RUFY3: variants seen among roughly 807,000 people sequenced by gnomAD.
The protein encoded by RUFY3 is protein RUFY3.
In RUFY3, 34 loss-of-function variants were observed where a neutral mutation model predicts 84.0. The ratio of observed to expected loss-of-function variants is 0.40; its 90% CI spans 0.31 to 0.54. RUFY3 has a LOEUF of 0.54. RUFY3 is among the 20% of genes least tolerant of loss of function. The probability of loss-of-function intolerance (pLI) is 0.39; values close to 1 mark genes in which losing one functional copy is unlikely to be tolerated. For missense variants in RUFY3, 507 were observed against 736.8 expected (o/e 0.69, Z 3.61); for synonymous variants, 242 against 252.9 (o/e 0.96, Z 0.41).
chr4:70,723,451 G>A (rs893808046), intron 1 of RUFY3, among the ~76,000 whole-genome samples: 7 of 152,062 alleles, frequency 4.6e-5, no homozygotes, highest in Non-Finnish European at 8.8e-5. Flanking sequence ...TAAATTATTT[G>A]TGGTAACTAT....
intron 12 of RUFY3, chr4:70,793,097 C>T (rs1731070428): frequency 1.0e-6 from 1 of 985,260 alleles, no homozygotes; most frequent in Non-Finnish European, 1.2e-6. Context: ...TAGAAGAAAA[C>T]ATCCATCAGA....
At chr4:70,741,247 A>T (rs1239129263) in intron 1 of RUFY3, among the ~76,000 whole-genome samples, 1 of 152,146 alleles carries the variant, frequency 6.6e-6, no homozygotes, top group Non-Finnish European at 1.5e-5. Flanking sequence ...CATACTTTTC[A>T]ATTCCCTGAA....
intron 1 of RUFY3, among the ~76,000 whole-genome samples, chr4:70,759,732 T>A (rs1389027895): frequency 6.6e-6 from 1 of 152,246 alleles, no homozygotes; most frequent in South Asian, 2.1e-4. Flanking sequence ...GAATTGTTAC[T>A]TTTAAGCTCT....
Position 70,804,414 on chromosome 4 carries a change from A to G in RUFY3, c.1717A>G (p.Lys573Glu). ...ATGCCAGGAAGACGGCAGCCTAACA[A>G]AGGTAACTGTGATGAGAAACGGACA... Reference protein sequence around the residue: ...QLCQEDGSLTKNVCKNCSGTF... With the variant: ...QLCQEDGSLTENVCKNCSGTF... Residue 573 changes from lysine to glutamate, a missense_variant and splice_region_variant, in exon 17 of 18, where the codon AAG becomes GAG. Transcript: ENST00000381006. The G allele has an allele frequency of 6.2e-7, 1 of 1,613,730 alleles. No homozygotes were observed. Among genetic ancestry groups the G allele is most frequent in the Non-Finnish European group, 8.5e-7 (1 of 1,179,744 alleles).
intron 1 of RUFY3, among the ~76,000 whole-genome samples, chr4:70,725,610 T>A (rs1185495041): frequency 6.6e-6 from 1 of 152,136 alleles, no homozygotes; most frequent in Non-Finnish European, 1.5e-5. Flanking sequence ...GGATTACAGG[T>A]GTGAGCCACC....
intron 5 of RUFY3, 49 bp downstream of exon 5, chr4:70,768,710 T>C (rs1404143759): frequency 3.8e-6 from 6 of 1,588,032 alleles, no homozygotes; most frequent in Non-Finnish European, 5.2e-6. Flanking sequence ...AGTTCTGCTA[T>C]CTCAGAAGTG....
chr4:70,787,578 G>T (rs1001995066), intron 10 of RUFY3, among the ~76,000 whole-genome samples: 3 of 151,858 alleles, frequency 2.0e-5, no homozygotes, highest in Non-Finnish European at 4.4e-5. Flanking sequence ...CAGATTTTTT[G>T]AAAACAAAGC....
chr4:70,736,590 AGACGGAGT>A (rs1191353727), intron 1 of RUFY3, among the ~76,000 whole-genome samples: 11 of 149,798 alleles, frequency 7.3e-5, no homozygotes, highest in African/African-American at 2.5e-4. Context: ...TTTTTTTCTG[AGACGGAGT>A]TTTGCTCTTA....
chr4:70,783,483 A>ATTGT, intron 9 of RUFY3, among the ~76,000 whole-genome samples: 1 of 152,340 alleles, frequency 6.6e-6, no homozygotes, highest in Non-Finnish European at 1.5e-5. Flanking sequence ...GTTATGTTAA[A>ATTGT]CATACTATTA....
intron 12 of RUFY3, chr4:70,793,412 G>A: frequency 9.5e-7 from 1 of 1,053,186 alleles, no homozygotes; most frequent in Non-Finnish European, 1.1e-6. Flanking sequence ...AACCTATTAG[G>A]AAATTTTTTT....
chr4:70,779,419 C>T (rs527306348), intron 8 of RUFY3, among the ~76,000 whole-genome samples: 13 of 152,066 alleles, frequency 8.5e-5, no homozygotes, highest in Non-Finnish European at 1.6e-4. Flanking sequence ...AAAATAAGAA[C>T]AGAAAAATAA....
At position 70,753,788 on chromosome 4, in the gene RUFY3, A is replaced by G. The variant is rs115583713; in HGVS notation, c.179-8731A>G. Among the ~76,000 whole-genome samples, 1,400 of 152,278 alleles carry G rather than the reference A, an allele frequency of 9.2e-3. 18 individuals are homozygous for G. The highest frequency in any genetic ancestry group is 0.03 in the African/African-American group (1,255 of 41,544). ...TCTCCCTTTGAGAATCAGTGCTGCTATATGTCATTATGACTATTATGAATG... is the reference window on the plus strand; with the variant it reads ...TCTCCCTTTGAGAATCAGTGCTGCTGTATGTCATTATGACTATTATGAATG... On this transcript the variant is annotated intron_variant, in intron 1 of 17. Transcript: ENST00000381006.
At chr4:70,783,239 G>C in intron 9 of RUFY3, 56 bp downstream of exon 9, 1 of 1,084,772 alleles carries the variant, frequency 9.2e-7, no homozygotes, top group Non-Finnish European at 1.4e-6. Context: ...CTTGTTAGTG[G>C]TAAAGGGGAG....
At position 70,793,802 on chromosome 4, in the gene RUFY3, G is replaced by A. The variant is rs773563007; in HGVS notation, c.1355G>A (p.Arg452Gln). 36 of 1,614,012 alleles carry A rather than the reference G, an allele frequency of 2.2e-5. No individual in the cohort carries two copies. The highest frequency in any genetic ancestry group is 2.7e-5 in the Non-Finnish European group (32 of 1,179,990). ...ACATCCAGATTGCGCCAGGCTGAGC[G>A]AAGCCGCCAATCTGCTGAGTTGGAC... is the stretch of plus-strand genomic sequence containing the variant. ...QLEQRLRQAE[R>Q]SRQSAELDNR... is the part of the protein sequence containing the mutation. The change falls in exon 13 of 18, where the codon CGA (arginine) becomes CAA (glutamine). Residue 452 changes from arginine to glutamine, a missense_variant. Around this residue, in one of 4 missense-constraint regions of RUFY3, gnomAD observed 334 missense variants for 364.1 expected, o/e 0.92. Coordinates refer to ENST00000381006, the MANE Select transcript of RUFY3 (RefSeq NM_001037442.4).
intron 12 of RUFY3, chr4:70,793,366 C>T (rs1731103141): frequency 9.8e-7 from 1 of 1,020,920 alleles, no homozygotes; most frequent in African/African-American, 1.7e-5. Context: ...TTTACAAGTT[C>T]CAGTTATGTG....
At chr4:70,797,129 G>A (rs1045374474) in intron 14 of RUFY3, among the ~76,000 whole-genome samples, 1 of 151,800 alleles carries the variant, frequency 6.6e-6, no homozygotes, top group African/African-American at 2.4e-5. Context: ...TTTTGGTAGA[G>A]TCAGGGTTTT....
chr4:70,778,520 A>G (rs1578186976), intron 8 of RUFY3, 82 bp downstream of exon 8: 1 of 753,976 alleles, frequency 1.3e-6, no homozygotes, highest in Non-Finnish European at 2.3e-6. Context: ...AACCTTGGAA[A>G]GAAAGAACTT....
intron 12 of RUFY3, chr4:70,792,591 GT>G (rs1017116595): frequency 3.0e-6 from 3 of 985,134 alleles, no homozygotes; most frequent in African/African-American, 3.5e-5. Flanking sequence ...AAATACTTGG[GT>G]TTTTTTCTCT....
chr4:70,804,454 A>T, intron 17 of RUFY3, 38 bp downstream of exon 17: 4 of 1,565,744 alleles, frequency 2.6e-6, no homozygotes, highest in African/African-American at 1.4e-5. Context: ...TTTCATAGGG[A>T]TGTCTACAGC....
Sources: allele counts gnomAD v4.1 joint callset (sites outside exome capture counted in the v4.1 genomes callset), GRCh38; gene constraint gnomAD v4.1.1; regional missense constraint gnomAD v4.1.1; transcripts MANE v1.5; gene names NCBI Gene and HGNC (gene_info 2026-07-23, HGNC 2026-07-21).